Variants in AKAP7 observed in about 807,000 individuals in gnomAD.
AKAP7 encodes A-kinase anchoring protein 7.
In AKAP7, 39 loss-of-function variants were observed where a neutral mutation model predicts 39.5. That is an observed-to-expected ratio of 0.99 (90% CI 0.76 to 1.29). The LOEUF is 1.29. Among genes scored for constraint, AKAP7 ranks in the 50% most tolerant of loss-of-function variants. The pLI is 0.00. For missense variants in AKAP7, 414 were observed against 407.7 expected (o/e 1.02, Z -0.13); for synonymous variants, 140 against 139.1 (o/e 1.01, Z -0.05).
rs1464932052 is a variant in AKAP7 at position 131,282,173 on chromosome 6, G to C, written c.*447G>C. On this transcript the variant is annotated 3_prime_UTR_variant, in exon 8 of 8. Coordinates refer to ENST00000431975, the MANE Select transcript of AKAP7 (RefSeq NM_016377.4). Reference sequence around the variant, plus strand: ...ATAATCACTGTTGGAATTGTCATCTGTACAATTAGTCCATAATGTTTCATG... The same window carrying C: ...ATAATCACTGTTGGAATTGTCATCTCTACAATTAGTCCATAATGTTTCATG... 2 of 1,250,184 alleles carry C rather than the reference G, an allele frequency of 1.6e-6. No homozygotes were observed. The highest frequency in any genetic ancestry group is 3.4e-5 in the East Asian group (1 of 29,604). 77.4% of individuals were successfully genotyped at this position (1,250,184 alleles called of 1,614,324 possible).
chr6:131,215,740 T>G (rs1207506228), intron 6 of AKAP7, among the ~76,000 whole-genome samples: 4 of 152,232 alleles, frequency 2.6e-5, no homozygotes, highest in African/African-American at 4.8e-5. Flanking sequence ...AAAAGTGATT[T>G]CAGTTTCTTA....
chr6:131,169,345 A>G (rs921070822), intron 5 of AKAP7, 72 bp downstream of exon 5: 48 of 1,519,822 alleles, frequency 3.2e-5, no homozygotes, highest in Non-Finnish European at 4.2e-5. Context: ...TGTAACAGAG[A>G]CTTGACATTT....
chr6:131,149,275 A>G (rs1047780503), intron 2 of AKAP7, among the ~76,000 whole-genome samples: 4 of 152,250 alleles, frequency 2.6e-5, no homozygotes, highest in African/African-American at 9.6e-5. Flanking sequence ...TTAGAACTAA[A>G]TATGAGAATA....
At chr6:131,207,282 T>C (rs915888055) in intron 6 of AKAP7, among the ~76,000 whole-genome samples, 1 of 151,628 alleles carries the variant, frequency 6.6e-6, no homozygotes, top group Non-Finnish European at 1.5e-5. Flanking sequence ...AGAAGCCAGA[T>C]GGAGCAACAA....
intron 1 of AKAP7, among the ~76,000 whole-genome samples, chr6:131,139,152 C>T (rs577957952): frequency 1.3e-5 from 2 of 152,244 alleles, no homozygotes; most frequent in South Asian, 4.1e-4. Context: ...CCAACCTTTG[C>T]CCAAACACTA....
intron 7 of AKAP7, among the ~76,000 whole-genome samples, chr6:131,273,274 C>G (rs1408777675): frequency 6.6e-6 from 1 of 152,018 alleles, no homozygotes; most frequent in East Asian, 1.9e-4. Context: ...TAATCCAAAT[C>G]AACATCTCTG....
intron 7 of AKAP7, among the ~76,000 whole-genome samples, chr6:131,236,530 C>T (rs1223042872): frequency 6.6e-6 from 1 of 152,168 alleles, no homozygotes; most frequent in African/African-American, 2.4e-5. Context: ...ATTCTTCCTA[C>T]CCACAAGCAT....
intron 7 of AKAP7, among the ~76,000 whole-genome samples, chr6:131,260,607 A>AGAAGT (rs1247886615): frequency 6.6e-6 from 1 of 152,146 alleles, no homozygotes; most frequent in East Asian, 1.9e-4. Context: ...TCTTCTTTTG[A>AGAAGT]GAAGTGTCTG....
chr6:131,145,950 A>G (rs996989567), intron 2 of AKAP7, among the ~76,000 whole-genome samples: 1 of 152,200 alleles, frequency 6.6e-6, no homozygotes, highest in Non-Finnish European at 1.5e-5. Flanking sequence ...AAATAATCAC[A>G]GATAATATTG....
chr6:131,244,589 T>C (rs139231528), intron 7 of AKAP7, among the ~76,000 whole-genome samples: 1 of 152,328 alleles, frequency 6.6e-6, no homozygotes, highest in Non-Finnish European at 1.5e-5. Flanking sequence ...AGGCTTTGAC[T>C]ATCCATGCCG....
chr6:131,128,513 G>A, the AKAP7 span, among the ~76,000 whole-genome samples: 1 of 152,012 alleles, frequency 6.6e-6, no homozygotes, highest in East Asian at 1.9e-4. Flanking sequence ...CCTCCTTCTG[G>A]GAATTTATTT....
At chr6:131,263,857 C>G (rs1297282638) in intron 7 of AKAP7, among the ~76,000 whole-genome samples, 1 of 152,146 alleles carries the variant, frequency 6.6e-6, no homozygotes, top group Non-Finnish European at 1.5e-5. Flanking sequence ...CACTCTGATC[C>G]TAAGCTACTG....
chr6:131,222,204 G>C (rs531780473), intron 7 of AKAP7, among the ~76,000 whole-genome samples: 6 of 152,254 alleles, frequency 3.9e-5, no homozygotes, highest in Middle Eastern at 3.4e-3. Context: ...GACTGCATTG[G>C]AGGAAGTAAC....
At chr6:131,174,457 C>T (rs1179066652) in intron 5 of AKAP7, among the ~76,000 whole-genome samples, 1 of 152,238 alleles carries the variant, frequency 6.6e-6, no homozygotes, top group Non-Finnish European at 1.5e-5. Flanking sequence ...GCTGGGCACA[C>T]TGGCTTGCGC....
At chr6:131,238,640 G>C (rs866679119) in intron 7 of AKAP7, among the ~76,000 whole-genome samples, 3 of 152,284 alleles carry the variant, frequency 2.0e-5, no homozygotes, top group East Asian at 3.9e-4. Flanking sequence ...TTGTTGAATT[G>C]ATCCCTTTAC....
chr6:131,216,859 A>G (rs1010240987), intron 6 of AKAP7, among the ~76,000 whole-genome samples: 1 of 152,192 alleles, frequency 6.6e-6, no homozygotes, highest in Non-Finnish European at 1.5e-5. Context: ...TAAGGACTAG[A>G]CCATCAACAA....
At chr6:131,149,153 G>C (rs1345720163) in intron 2 of AKAP7, among the ~76,000 whole-genome samples, 2 of 152,166 alleles carry the variant, frequency 1.3e-5, no homozygotes, top group African/African-American at 4.8e-5. Flanking sequence ...GGCAGCATGT[G>C]GTCTGGTTGG....
intron 7 of AKAP7, among the ~76,000 whole-genome samples, chr6:131,238,238 A>C (rs1241258982): frequency 6.6e-6 from 1 of 152,078 alleles, no homozygotes; most frequent in African/African-American, 2.4e-5. Flanking sequence ...CTTAATCCTG[A>C]GTTCTAGTTT....
intron 7 of AKAP7, among the ~76,000 whole-genome samples, chr6:131,248,697 G>A (rs1812224484): frequency 6.6e-6 from 1 of 152,194 alleles, no homozygotes; most frequent in Non-Finnish European, 1.5e-5. Flanking sequence ...CACGTCTCCA[G>A]TGTTCAAAAT....
Sources: gnomAD v4.1 joint callset for allele counts (sites outside exome capture counted in the v4.1 genomes callset) on GRCh38, gnomAD v4.1.1 for gene constraint, MANE v1.5 for transcripts, NCBI Gene and HGNC (gene_info 2026-07-23, HGNC 2026-07-21) for gene names.